The following RNF170 variants were observed in gnomAD, a reference collection of about 807,000 sequenced individuals.
The protein encoded by RNF170 is E3 ubiquitin-protein ligase RNF170.
A neutral mutation model predicts 32.7 loss-of-function variants in RNF170; 12 were observed. That is an observed-to-expected ratio of 0.37 (90% CI 0.24 to 0.60). The LOEUF is 0.60. Ranked by LOEUF, RNF170 falls within the 20% of genes least tolerant of loss-of-function variation. The probability of loss-of-function intolerance (pLI) is 0.72; values close to 1 mark genes in which losing one functional copy is unlikely to be tolerated. For missense variants in RNF170, 212 were observed against 311.2 expected (o/e 0.68, Z 2.40); for synonymous variants, 91 against 103.6 (o/e 0.88, Z 0.74).
At chr8:42,897,127 GGAA>G (rs1368298647), upstream of RNF170, 1 of 1,246,228 alleles carries the variant, frequency 8.0e-7, no homozygotes, top group African/African-American at 1.5e-5. Flanking sequence ...GCCGCGGCGG[GGAA>G]GATGTTCAGC....
chr8:42,882,421 C>T (rs1463724466), intron 2 of RNF170, among the ~76,000 whole-genome samples: 1 of 152,128 alleles, frequency 6.6e-6, no homozygotes, highest in Non-Finnish European at 1.5e-5. Flanking sequence ...CAAGGTCTTG[C>T]TCTGTTGTCC....
chr8:42,852,188 T>C (rs1434235372), downstream of RNF170, among the ~76,000 whole-genome samples: 1 of 152,160 alleles, frequency 6.6e-6, no homozygotes, highest in Non-Finnish European at 1.5e-5. Flanking sequence ...GGTGCCCTCT[T>C]GGTGTCTATG....
chr8:42,894,266 G>A (rs972850547), intron 1 of RNF170, among the ~76,000 whole-genome samples: 1 of 152,210 alleles, frequency 6.6e-6, no homozygotes, highest in Non-Finnish European at 1.5e-5. Flanking sequence ...TAGGTCCATT[G>A]TGTCAAAGCC....
At chr8:42,857,187 C>T (rs1344819696) in intron 6 of RNF170, among the ~76,000 whole-genome samples, 9 of 152,114 alleles carry the variant, frequency 5.9e-5, no homozygotes, top group Non-Finnish European at 2.9e-5. Flanking sequence ...GTAACAAGTG[C>T]CAAATAAGTT....
chr8:42,878,148 T>TG (rs1805099775), intron 2 of RNF170, among the ~76,000 whole-genome samples: 1 of 152,192 alleles, frequency 6.6e-6, no homozygotes, highest in Non-Finnish European at 1.5e-5. Context: ...GACCTTCCTA[T>TG]TCCCTGAGGC....
rs1466670084 is a variant in RNF170, at chr8:42,855,697, A to C, written c.*462T>G. ...TAGCTAGCACTAAAAGAAATACTGA[A>C]TTTTCCCCAATAGTATATAATATTT... is the stretch of plus-strand genomic sequence containing the variant. On this transcript the variant is annotated 3_prime_UTR_variant, in exon 7 of 7. Transcript: ENST00000527424. 7.8e-7 allele frequency: 1 copy of C among 1,277,596 alleles called. No individual in the cohort carries two copies. The highest frequency in any genetic ancestry group is 2.4e-5 in the Admixed American group (1 of 42,148). The allele number at this position is 1,277,596 out of a possible 1,614,324, so 79.1% of individuals were successfully genotyped here. A position where few individuals can be genotyped will look rare whatever the true frequency, so the allele number is the denominator to read the frequency against.
Position 42,854,484 on chromosome 8 carries a change from G to T in RNF170, c.*1675C>A. The T allele has an allele frequency of 1.6e-6, 2 of 1,286,492 alleles. No homozygotes were observed. The highest frequency in any genetic ancestry group is 2.0e-6 in the Non-Finnish European group (2 of 988,018). The allele number at this position is 1,286,492 out of a possible 1,614,324, so 79.7% of individuals were successfully genotyped here. A position where few individuals can be genotyped will look rare whatever the true frequency, so the allele number is the denominator to read the frequency against. ...ATCCAAAGGATAAAATGAAAAGTAT[G>T]TGAGAAACCTGCTTTAATTATAATG... is the stretch of plus-strand genomic sequence containing the variant. On this transcript the variant is annotated 3_prime_UTR_variant, in exon 7 of 7. Coordinates refer to ENST00000527424, the MANE Select transcript of RNF170 (RefSeq NM_030954.4).
chr8:42,896,407 C>T, intron 1 of RNF170, 77 bp downstream of exon 1: 1 of 450,790 alleles, frequency 2.2e-6, no homozygotes, highest in Non-Finnish European at 4.4e-6. Context: ...AGAGCTACCC[C>T]AAGAAGGCCA....
At chr8:42,863,398 G>C (rs1803805677) in intron 5 of RNF170, among the ~76,000 whole-genome samples, 1 of 151,842 alleles carries the variant, frequency 6.6e-6, no homozygotes, top group Non-Finnish European at 1.5e-5. Context: ...TGCTGACCGA[G>C]AGCAAAAGAT....
chr8:42,875,626 G>A (rs1442330332), intron 2 of RNF170, among the ~76,000 whole-genome samples: 1 of 152,142 alleles, frequency 6.6e-6, no homozygotes, highest in Non-Finnish European at 1.5e-5. Context: ...ACCCAGGCTG[G>A]AGTGCGGTGG....
intron 4 of RNF170, among the ~76,000 whole-genome samples, chr8:42,867,632 C>T (rs1804198964): frequency 1.3e-5 from 2 of 150,020 alleles, no homozygotes; most frequent in South Asian, 4.2e-4. Context: ...AAAAATTAGC[C>T]AGGTGTGGTG....
At chr8:42,884,018 TCCAC>T (rs985460619) in intron 2 of RNF170, among the ~76,000 whole-genome samples, 6 of 152,180 alleles carry the variant, frequency 3.9e-5, no homozygotes, top group African/African-American at 1.4e-4. Flanking sequence ...ATCATTTATC[TCCAC>T]CCACTGTTCC....
rs1376911375 is a variant in RNF170, at chr8:42,888,168, C to T, written c.-7-297G>A. Reference sequence around the variant, plus strand: ...GCAACGTCCGCCTCCCGGGTTCAAGCAATTCCCCTCCCTCAGCCTCCCAAG... The same window carrying T: ...GCAACGTCCGCCTCCCGGGTTCAAGTAATTCCCCTCCCTCAGCCTCCCAAG... On this transcript the variant is annotated intron_variant, in intron 1 of 6. Coordinates refer to ENST00000527424, the MANE Select transcript of RNF170 (RefSeq NM_030954.4). Among the ~76,000 whole-genome samples the T allele has an allele frequency of 2.0e-5, 3 of 151,994 alleles. No homozygotes were observed. In the South Asian group the frequency reaches 6.2e-4, roughly 32 times the overall value.
intron 2 of RNF170, among the ~76,000 whole-genome samples, chr8:42,880,749 G>A (rs1245818213): frequency 4.6e-5 from 7 of 151,840 alleles, no homozygotes; most frequent in African/African-American, 1.5e-4. Context: ...CAGCCTGGGC[G>A]ACAGAATGAT....
chr8:42,862,426 G>A (rs573536068), intron 5 of RNF170, among the ~76,000 whole-genome samples: 5 of 152,244 alleles, frequency 3.3e-5, no homozygotes, highest in African/African-American at 9.6e-5. Flanking sequence ...TTCCTTCATG[G>A]TTGTGGTAAC....
downstream of RNF170, chr8:42,851,138 C>T: frequency 7.9e-7 from 1 of 1,272,386 alleles, no homozygotes; most frequent in Non-Finnish European, 1.1e-6. Flanking sequence ...GCTCTACCAC[C>T]ACAGCCCCCA....
At position 42,887,778 on chromosome 8, in the gene RNF170, T is replaced by G. The variant is rs769294297; in HGVS notation, c.87A>C (p.Ala29=). 1.2e-6 allele frequency: 2 copies of G among 1,613,954 alleles called. No individual in the cohort carries two copies. The highest frequency in any genetic ancestry group is 1.7e-6 in the Non-Finnish European group (2 of 1,179,814). Residue 29 remains alanine, a synonymous_variant, in exon 2 of 7, where the codon GCA becomes GCC. Transcript: ENST00000527424. The stretch of plus-strand genomic sequence containing the variant: ...CAATCAAAGCGAAACTGACCACAAC[T>G]GCCACAAGTACTTGGTCGCTTACTC... ...IEGVSDQVLV[A]VVVSFALIAT...
chr8:42,871,834 C>T (rs1804545386), intron 3 of RNF170, among the ~76,000 whole-genome samples: 1 of 152,242 alleles, frequency 6.6e-6, no homozygotes, highest in Non-Finnish European at 1.5e-5. Flanking sequence ...GCTGGGATTA[C>T]AGGCGTGAGC....
At chr8:42,857,519 CA>C (rs763453376) in intron 6 of RNF170, among the ~76,000 whole-genome samples, 1 of 152,150 alleles carries the variant, frequency 6.6e-6, no homozygotes, top group Non-Finnish European at 1.5e-5. Flanking sequence ...ATCATTTATA[CA>C]AAATCTTTAA....
Sources: allele counts gnomAD v4.1 joint callset (sites outside exome capture counted in the v4.1 genomes callset), GRCh38; gene constraint gnomAD v4.1.1; transcripts MANE v1.5; gene names NCBI Gene and HGNC (gene_info 2026-07-23, HGNC 2026-07-21).